Variants in RAD51B observed in about 807,000 individuals in gnomAD.
RAD51B encodes the protein RAD51 paralog B, also known as DNA repair protein RAD51 homolog 2.
A neutral mutation model predicts 42.2 loss-of-function variants in RAD51B; 38 were observed. The observed-to-expected ratio is 0.90, with a 90% CI of 0.70 to 1.18. RAD51B has a LOEUF of 1.18. Ranked by LOEUF, RAD51B falls within the 50% of genes most tolerant of loss-of-function variation. The pLI is 0.00. For missense variants in RAD51B, 373 were observed against 400.7 expected (o/e 0.93, Z 0.59); for synonymous variants, 154 against 145.2 (o/e 1.06, Z -0.43).
chr14:68,168,274 T>G (rs562721285), intron 7 of RAD51B, among the ~76,000 whole-genome samples: 16 of 152,286 alleles, frequency 1.1e-4, no homozygotes, highest in African/African-American at 3.8e-4. Flanking sequence ...AGCAAAACTT[T>G]TGTACACTGC....
chr14:68,195,633 G>A (rs1158394682), intron 7 of RAD51B, among the ~76,000 whole-genome samples: 1 of 152,112 alleles, frequency 6.6e-6, no homozygotes, highest in Non-Finnish European at 1.5e-5. Context: ...TCCTGGCCGG[G>A]CATGGTAGCT....
At chr14:68,181,964 C>T (rs1277354843) in intron 7 of RAD51B, among the ~76,000 whole-genome samples, 1 of 152,150 alleles carries the variant, frequency 6.6e-6, no homozygotes, top group East Asian at 1.9e-4. Flanking sequence ...TCATTTAGAT[C>T]CATTGCCACC....
At chr14:67,980,965 G>A (rs192312170) in intron 7 of RAD51B, among the ~76,000 whole-genome samples, 40 of 152,188 alleles carry the variant, frequency 2.6e-4, no homozygotes, top group Non-Finnish European at 4.3e-4. Context: ...GATGATATTT[G>A]CAAAACATAT....
chr14:68,153,853 A>G (rs2078442179), intron 7 of RAD51B, among the ~76,000 whole-genome samples: 1 of 152,166 alleles, frequency 6.6e-6, no homozygotes, highest in Admixed American at 6.5e-5. Flanking sequence ...GGAAACTCAC[A>G]CACTATGAGG....
intron 7 of RAD51B, among the ~76,000 whole-genome samples, chr14:68,197,278 C>T (rs771765250): frequency 1.3e-5 from 2 of 152,142 alleles, no homozygotes; most frequent in Non-Finnish European, 1.5e-5. Context: ...AACTCACATA[C>T]GTAGAAATCA....
chr14:68,450,943 G>A (rs1174661238), intron 9 of RAD51B, among the ~76,000 whole-genome samples: 54 of 152,142 alleles, frequency 3.5e-4, no homozygotes, highest in Non-Finnish European at 2.9e-5. Flanking sequence ...CTCAGTGCCA[G>A]GCCATGCTGC....
At chr14:68,303,465 A>G (rs1412364148) in intron 8 of RAD51B, among the ~76,000 whole-genome samples, 8 of 150,932 alleles carry the variant, frequency 5.3e-5, no homozygotes, top group Non-Finnish European at 1.0e-4. Flanking sequence ...AATAAAAAAA[A>G]AAAAAAAAAA....
rs552188868 is a variant in RAD51B at position 68,396,550 on chromosome 14, G to T, written c.854-14874G>T. Among the ~76,000 whole-genome samples, 3 of 152,330 alleles carry T rather than the reference G, an allele frequency of 2.0e-5. No homozygotes were observed. The South Asian group carries it at 6.2e-4, about 32-fold the overall frequency. On this transcript the variant is annotated intron_variant, in intron 8 of 10. Coordinates refer to ENST00000471583, the MANE Select transcript of RAD51B (RefSeq NM_133510.4). ...TGATCATGTACTTCTGGCAAAGAAG[G>T]TGAACCAGATGTGGAGATGATAGTC... is the stretch of plus-strand genomic sequence containing the variant.
chr14:68,485,893 G>A (rs558250145), intron 10 of RAD51B, among the ~76,000 whole-genome samples: 1 of 152,342 alleles, frequency 6.6e-6, no homozygotes, highest in African/African-American at 2.4e-5. Flanking sequence ...CACGTGTGGT[G>A]TTGCCCTATT....
intron 10 of RAD51B, among the ~76,000 whole-genome samples, chr14:68,552,603 G>A (rs150930877): frequency 6.6e-6 from 1 of 152,102 alleles, no homozygotes; most frequent in Non-Finnish European, 1.5e-5. Flanking sequence ...CCCATGAAAG[G>A]AGAAGCAGAA....
intron 9 of RAD51B, among the ~76,000 whole-genome samples, chr14:68,415,805 C>T (rs1184737310): frequency 2.0e-5 from 3 of 152,198 alleles, no homozygotes; most frequent in Non-Finnish European, 4.4e-5. Context: ...AATTTCTCCT[C>T]AAATCCTCAT....
At chr14:68,510,777 G>A (rs1053301148) in intron 10 of RAD51B, among the ~76,000 whole-genome samples, 2 of 152,092 alleles carry the variant, frequency 1.3e-5, no homozygotes, top group African/African-American at 4.8e-5. Flanking sequence ...TATGTTATTT[G>A]GTTCCTGGGA....
intron 10 of RAD51B, among the ~76,000 whole-genome samples, chr14:68,621,835 T>G (rs1891956284): frequency 6.6e-6 from 1 of 152,208 alleles, no homozygotes; most frequent in Admixed American, 6.5e-5. Flanking sequence ...TCCTCAGTGG[T>G]GACGTGGGTT....
At chr14:68,566,211 T>C (rs1288418859) in intron 10 of RAD51B, among the ~76,000 whole-genome samples, 2 of 152,238 alleles carry the variant, frequency 1.3e-5, no homozygotes, top group Non-Finnish European at 2.9e-5. Flanking sequence ...CTGTTTTCTT[T>C]ACTGCTCTGT....
At chr14:68,472,490 G>A (rs3784127) in intron 10 of RAD51B, among the ~76,000 whole-genome samples, 11,973 of 152,192 alleles carry the variant, frequency 0.079, 1,003 homozygotes, top group African/African-American at 0.21. Flanking sequence ...GGGAATGAAG[G>A]GTTGATCTAG....
chr14:68,379,682 A>T (rs540350979), intron 8 of RAD51B, among the ~76,000 whole-genome samples: 4 of 152,336 alleles, frequency 2.6e-5, no homozygotes, highest in Middle Eastern at 3.4e-3. Flanking sequence ...TGTGGTCAGG[A>T]TACATCTGAA....
downstream of RAD51B, among the ~76,000 whole-genome samples, chr14:68,481,841 G>A (rs756304027): frequency 1.2e-4 from 19 of 152,176 alleles, no homozygotes; most frequent in Non-Finnish European, 7.3e-5. Context: ...AAAGAACTCA[G>A]TGAATATTTT....
intron 7 of RAD51B, among the ~76,000 whole-genome samples, chr14:68,272,528 A>G (rs1298165461): frequency 6.7e-6 from 1 of 149,924 alleles, no homozygotes; most frequent in Admixed American, 6.7e-5. Context: ...TAAATGAGAT[A>G]CTACATGTAA....
chr14:68,295,940 G>C (rs1595673667), intron 8 of RAD51B, among the ~76,000 whole-genome samples: 1 of 152,128 alleles, frequency 6.6e-6, no homozygotes, highest in Non-Finnish European at 1.5e-5. Context: ...TTCTGATTTT[G>C]TATACCTTTG....
Sources: allele counts gnomAD v4.1 joint callset (sites outside exome capture counted in the v4.1 genomes callset), GRCh38; gene constraint gnomAD v4.1.1; transcripts MANE v1.5; gene names NCBI Gene and HGNC (gene_info 2026-07-23, HGNC 2026-07-21).